MYCBP2: variants seen among roughly 807,000 people sequenced by gnomAD.
MYCBP2 encodes the protein E3 ubiquitin-protein ligase MYCBP2.
MYCBP2 carries 120 observed loss-of-function variants against 525.3 expected under a neutral mutation model. That is an observed-to-expected ratio of 0.23 (90% confidence interval 0.20 to 0.27). The LOEUF is 0.27. MYCBP2 is among the 10% of genes least tolerant of loss of function. The pLI, the probability that MYCBP2 is intolerant of heterozygous loss-of-function variation, is 1.00. For synonymous variants in MYCBP2, 1,894 were observed against 1,955.8 expected, an observed-to-expected ratio of 0.97 and a Z score of 0.83; for missense variants, 4,149 against 5,657.1, an observed-to-expected ratio of 0.73 and a Z score of 8.55.
chr13:77,054,672 C>T (rs956717864), intron 80 of MYCBP2, among the ~76,000 whole-genome samples: 1 of 151,462 alleles, frequency 6.6e-6, no homozygotes, highest in Admixed American at 6.6e-5. Context: ...ACAAACACAG[C>T]TCATTGCAGC....
intron 33 of MYCBP2, among the ~76,000 whole-genome samples, chr13:77,181,362 T>C (rs988330980): frequency 6.6e-6 from 1 of 152,116 alleles, no homozygotes; most frequent in African/African-American, 2.4e-5. Context: ...TCTAAAATAT[T>C]ATATTAGAAT....
chr13:77,166,577 C>T (rs2058540055), intron 40 of MYCBP2, 23 bp from the exon 41 acceptor site: 2 of 1,528,552 alleles, frequency 1.3e-6, no homozygotes, highest in Non-Finnish European at 9.0e-7. Context: ...GGCAAAGTGA[C>T]ATGAATACAG....
At chr13:77,156,034 C>G (rs374122731) in intron 46 of MYCBP2, 24 bp downstream of exon 46, 2 of 1,603,644 alleles carry the variant, frequency 1.2e-6, no homozygotes, top group Non-Finnish European at 1.7e-6. Flanking sequence ...TAGATGTCTG[C>G]TAATTTAATC....
At position 77,168,547 on chromosome 13, in the gene MYCBP2, T is replaced by C. The variant is rs1281567754; in HGVS notation, c.5995A>G (p.Thr1999Ala). 1 of 1,614,130 alleles carries C rather than the reference T, an allele frequency of 6.2e-7. No individual in the cohort carries two copies. The highest frequency in any genetic ancestry group is 1.3e-5 in the African/African-American group (1 of 75,010). Reference protein sequence around the residue: ...APPAFNPNQSTDSTTGNQPEQ... With the variant: ...APPAFNPNQSADSTTGNQPEQ... ...GGCTGGTTTCCTGTGGTGCTATCTG[T>C]CGACTGATTAGGGTTGAAGGCAGGC... Residue 1999 changes from threonine to alanine, a missense_variant, in exon 40 of 83, where the codon ACA becomes GCA. Thr to Ala is a moderately conservative substitution (Grantham distance 58, BLOSUM62 0). Around this residue, in one of 21 missense-constraint regions of MYCBP2, gnomAD observed 692 missense variants for 852.7 expected, o/e 0.81. Transcript: ENST00000544440.
chr13:77,118,381 AC>A, intron 55 of MYCBP2: 1 of 763,838 alleles, frequency 1.3e-6, no homozygotes, highest in Non-Finnish European at 2.4e-6. Context: ...CTGTCCGAAC[AC>A]AAATGGGCTG....
chr13:77,097,236 G>A (rs2046400767), intron 56 of MYCBP2, 134 bp downstream of exon 56: 1 of 1,247,308 alleles, frequency 8.0e-7, no homozygotes. Context: ...TACTGATAAT[G>A]TACTTTAAAA....
At chr13:77,153,487 T>C (rs570002049) in intron 46 of MYCBP2, among the ~76,000 whole-genome samples, 1 of 152,330 alleles carries the variant, frequency 6.6e-6, no homozygotes, top group South Asian at 2.1e-4. Context: ...AGACACTATT[T>C]TTATACATAC....
At chr13:77,224,223 A>G (rs1481094169) in intron 20 of MYCBP2, among the ~76,000 whole-genome samples, 3 of 152,196 alleles carry the variant, frequency 2.0e-5, no homozygotes, top group African/African-American at 7.2e-5. Context: ...TTTAAAATAT[A>G]TATCAGCTTT....
At chr13:77,267,961 T>G (rs550264579) in intron 7 of MYCBP2, 24 bp from the exon 8 acceptor site, 7 of 1,519,338 alleles carry the variant, frequency 4.6e-6, no homozygotes, top group Middle Eastern at 3.4e-4. Flanking sequence ...AAAATTTTCC[T>G]GTTAAAATAT....
rs2054206433 is a variant in MYCBP2 at position 77,139,182 on chromosome 13, C to T, written c.7659+14G>A. The T allele has an allele frequency of 7.5e-6, 12 of 1,607,984 alleles. No homozygotes were observed. The highest frequency in any genetic ancestry group is 1.0e-5 in the Non-Finnish European group (12 of 1,176,946). On this transcript the variant is annotated intron_variant, in intron 52 of 82. Transcript: ENST00000544440. ...GTGTATCTATAATGCTTTTTAAAAC[C>T]ACCTTTTACTTACGTCAACAGGGAC... is the stretch of plus-strand genomic sequence containing the variant.
At chr13:77,160,065 CTT>C (rs34051925) in intron 44 of MYCBP2, among the ~76,000 whole-genome samples, 294 of 136,184 alleles carry the variant, frequency 2.2e-3, no homozygotes, top group African/African-American at 6.9e-3. Flanking sequence ...AAATCACAAA[CTT>C]TTTTTTTTTT....
chr13:77,169,886 C>A (rs74098711), intron 38 of MYCBP2, among the ~76,000 whole-genome samples, 172 bp from the exon 39 acceptor site: 4,318 of 152,228 alleles, frequency 0.028, 220 homozygotes, highest in African/African-American at 0.097. Flanking sequence ...AGAATACATG[C>A]CTTATCTCAA....
intron 80 of MYCBP2, 147 bp downstream of exon 80, chr13:77,055,411 G>T: frequency 1.4e-6 from 1 of 716,286 alleles, no homozygotes; most frequent in Non-Finnish European, 2.2e-6. Context: ...AGTTTTACTG[G>T]AAACATTGGG....
At chr13:77,188,265 T>C (rs1042918212) in intron 30 of MYCBP2, among the ~76,000 whole-genome samples, 1 of 152,200 alleles carries the variant, frequency 6.6e-6, no homozygotes, top group Non-Finnish European at 1.5e-5. Flanking sequence ...ACATTCTTCC[T>C]ATGCATTTTA....
intron 1 of MYCBP2, among the ~76,000 whole-genome samples, chr13:77,321,395 C>T (rs1179519653): frequency 1.3e-5 from 2 of 152,218 alleles, no homozygotes; most frequent in Non-Finnish European, 2.9e-5. Context: ...AAGAAAATTA[C>T]TACCTATGCA....
rs777438038 is a variant in MYCBP2 at position 77,278,880 on chromosome 13, T to C, written c.626A>G (p.Glu209Gly). 5 of 1,593,848 alleles carry C rather than the reference T, an allele frequency of 3.1e-6. No homozygotes were observed. The highest frequency in any genetic ancestry group is 4.3e-6 in the Non-Finnish European group (5 of 1,171,018). The change falls in exon 4 of 83, where the codon GAA (glutamate) becomes GGA (glycine). Residue 209 changes from glutamate to glycine, a missense_variant. By Grantham distance (98) the Glu-to-Gly change is moderately conservative. Around this residue, in one of 21 missense-constraint regions of MYCBP2, gnomAD observed 413 missense variants for 451.2 expected, o/e 0.92. Transcript: ENST00000544440. ...IIEVGLCEVF[E>G]LIKETRFSHP... ...AGAAAATCGTGTCTCTTTGATCAAT[T>C]CAAAAACTTCACAAAGGCCAACCTC...
intron 21 of MYCBP2, among the ~76,000 whole-genome samples, chr13:77,217,029 CA>C (rs1163594837): frequency 6.6e-6 from 1 of 152,200 alleles, no homozygotes; most frequent in East Asian, 1.9e-4. Context: ...AATGCTGGAT[CA>C]AAATGTTAAC....
intron 2 of MYCBP2, among the ~76,000 whole-genome samples, chr13:77,292,225 T>A (rs2077553678): frequency 6.6e-6 from 1 of 152,222 alleles, no homozygotes; most frequent in Non-Finnish European, 1.5e-5. Flanking sequence ...AGGAAGCCTA[T>A]GCCATAACTT....
Position 77,157,938 on chromosome 13 carries a change from T to G in MYCBP2, c.6769A>C (p.Arg2257=), listed in dbSNP as rs747460066. ...GTAAGTAACTTAAAGTACATTTACC[T>G]TGCAAGCCTTCCACCACTTGATCCT... ...VPGSSGGRLA[R]WLQPDSYADP... The change falls in exon 45 of 83, where the codon AGG becomes CGG. Residue 2257 remains arginine, a splice_region_variant and synonymous_variant. Transcript: ENST00000544440. 15 of 1,609,698 alleles carry G rather than the reference T, an allele frequency of 9.3e-6. 1 individual carries two copies. The highest frequency in any genetic ancestry group is 8.9e-5 in the East Asian group (4 of 44,764).
Sources: allele counts gnomAD v4.1 joint callset (sites outside exome capture counted in the v4.1 genomes callset), GRCh38; gene constraint gnomAD v4.1.1; regional missense constraint gnomAD v4.1.1; transcripts MANE v1.5; gene names NCBI Gene and HGNC (gene_info 2026-07-23, HGNC 2026-07-21).